ZNF207: variants seen among roughly 807,000 people sequenced by gnomAD.
ZNF207 encodes BUB3-interacting and GLEBS motif-containing protein ZNF207.
A neutral mutation model predicts 60.2 loss-of-function variants in ZNF207; 24 were observed. That is an observed-to-expected ratio of 0.40 (90% CI 0.29 to 0.56). The LOEUF is 0.56. ZNF207 is among the 20% of genes least tolerant of loss of function. ZNF207 has a pLI of 0.49. For missense variants in ZNF207, 452 were observed against 636.6 expected (o/e 0.71, Z 3.12); for synonymous variants, 236 against 194.7 (o/e 1.21, Z -1.77).
chr17:32,367,098 T>G (rs146550116), intron 9 of ZNF207, among the ~76,000 whole-genome samples: 107 of 151,690 alleles, frequency 7.1e-4, no homozygotes, highest in African/African-American at 2.6e-3. Flanking sequence ...GTTCTAAAGT[T>G]GGCCTAGTCT....
intron 7 of ZNF207, among the ~76,000 whole-genome samples, 164 bp from the exon 8 acceptor site, chr17:32,365,166 G>A (rs1340570802): frequency 6.6e-6 from 1 of 152,214 alleles, no homozygotes; most frequent in Non-Finnish European, 1.5e-5. Context: ...ACAAAGGAAG[G>A]GAAAATTTAA....
chr17:32,358,098 T>C (rs1205762106), intron 2 of ZNF207, among the ~76,000 whole-genome samples: 9 of 152,216 alleles, frequency 5.9e-5, no homozygotes, highest in Non-Finnish European at 1.2e-4. Context: ...ATTCTTAATA[T>C]GAGGCTGTTT....
chr17:32,380,939 A>G lies in ZNF207; in HGVS notation c.*11180A>G, dbSNP rs1597807079. On this transcript the variant is annotated 3_prime_UTR_variant, in exon 12 of 12. Transcript: ENST00000394670. ...GCCGTTGCACTCCAGCTTGGGTGACAGAGCGAGACTCCGTCTCAAAAAAAA... is the reference window on the plus strand; with the variant it reads ...GCCGTTGCACTCCAGCTTGGGTGACGGAGCGAGACTCCGTCTCAAAAAAAA... 1 of 152,160 alleles carries G rather than the reference A, an allele frequency of 6.6e-6. No homozygotes were observed. The highest frequency in any genetic ancestry group is 2.4e-5 in the African/African-American group (1 of 41,424). 9.4% of individuals were successfully genotyped at this position (152,160 alleles called of 1,614,324 possible). A position where few individuals can be genotyped will look rare whatever the true frequency, so the allele number is the denominator to read the frequency against.
chr17:32,368,272 A>G, intron 10 of ZNF207: 1 of 476,888 alleles, frequency 2.1e-6, no homozygotes, highest in Non-Finnish European at 3.7e-6. Context: ...TCAGGTTCTT[A>G]ACTCTCTTAA....
chr17:32,351,080 A>C (rs1468772344), intron 1 of ZNF207: 1 of 154,404 alleles, frequency 6.5e-6, no homozygotes, highest in Non-Finnish European at 1.4e-5. Context: ...TTGTACGTAA[A>C]GGCGGCTTGT....
chr17:32,375,672 A>C lies in ZNF207; in HGVS notation c.*5913A>C, dbSNP rs562620340. 15 of 152,272 alleles carry C rather than the reference A, an allele frequency of 9.9e-5. No homozygotes were observed. The highest frequency in any genetic ancestry group is 3.4e-4 in the African/African-American group (14 of 41,586). 9.4% of individuals were successfully genotyped at this position (152,272 alleles called of 1,614,324 possible). ...ATTTTGTTTGAATAAGCTGATGAAA[A>C]TAGACATGTACCCTAGAAGTAGATA... On this transcript the variant is annotated 3_prime_UTR_variant, in exon 12 of 12. Coordinates refer to ENST00000394670, the MANE Select transcript of ZNF207 (RefSeq NM_001098507.2).
intron 7 of ZNF207, 82 bp from the exon 8 acceptor site, chr17:32,365,248 A>T: frequency 2.8e-6 from 4 of 1,432,412 alleles, no homozygotes; most frequent in Non-Finnish European, 3.8e-6. Flanking sequence ...GTTAATTGTT[A>T]ATAACTTTGT....
chr17:32,367,267 ATATATATATATATAT>A lies in ZNF207; in HGVS notation c.922-504_922-490del, dbSNP rs1567824968. Among the ~76,000 whole-genome samples the A allele has an allele frequency of 8.8e-3, 1,031 of 117,816 alleles. 51 individuals are homozygous for A. The highest frequency in any genetic ancestry group is 0.033 in the African/African-American group (974 of 29,356). The allele number at this position is 117,816 out of a possible 152,430, so 77.3% of individuals were successfully genotyped here. ...TATATATATATATATATATATATATATATATATATATATATATAAAGAATACTACTAAAGGATGTA... is the reference window on the plus strand; with the variant it reads ...TATATATATATATATATATATATATAATAAAGAATACTACTAAAGGATGTA... On this transcript the variant is annotated intron_variant, in intron 9 of 11. Coordinates refer to ENST00000394670, the MANE Select transcript of ZNF207 (RefSeq NM_001098507.2).
intron 10 of ZNF207, 55 bp downstream of exon 10, chr17:32,368,069 G>A (rs1905283886): frequency 1.3e-6 from 2 of 1,598,696 alleles, no homozygotes; most frequent in Non-Finnish European, 1.7e-6. Flanking sequence ...CATTATAGCA[G>A]TTCGTCCCTT....
Position 32,373,098 on chromosome 17 carries a change from G to T in ZNF207, c.*3339G>T. 4.0e-6 allele frequency: 1 copy of T among 252,594 alleles called. No individual in the cohort carries two copies. Among genetic ancestry groups the T allele is most frequent in the East Asian group, 7.2e-5 (1 of 13,940 alleles). The allele number at this position is 252,594 out of a possible 1,614,324, so 15.6% of individuals were successfully genotyped here. A position where few individuals can be genotyped will look rare whatever the true frequency, so the allele number is the denominator to read the frequency against. On this transcript the variant is annotated 3_prime_UTR_variant, in exon 12 of 12. Coordinates refer to ENST00000394670, the MANE Select transcript of ZNF207 (RefSeq NM_001098507.2). ...CTTGATTTGAATACTTAGTATTTTA[G>T]TAGTGTCTCACACATTTGCCATTAG...
At chr17:32,363,616 C>G (rs915811403) in intron 7 of ZNF207, among the ~76,000 whole-genome samples, 2 of 139,124 alleles carry the variant, frequency 1.4e-5, no homozygotes, top group African/African-American at 5.3e-5. Flanking sequence ...ACTGCAACCT[C>G]TGCTTCCGGG....
chr17:32,362,699 T>TA, intron 6 of ZNF207: 1 of 418,310 alleles, frequency 2.4e-6, no homozygotes, highest in Non-Finnish European at 4.2e-6. Context: ...ATTTTTTTTT[T>TA]ATTGGTAAAC....
At position 32,373,159 on chromosome 17, in the gene ZNF207, A is replaced by T; in HGVS notation, c.*3400A>T. On this transcript the variant is annotated 3_prime_UTR_variant, in exon 12 of 12. Coordinates refer to ENST00000394670, the MANE Select transcript of ZNF207 (RefSeq NM_001098507.2). ...AATATTCCTACTGTACTCCTATTCCACTAAGTTACATTTTGAACTTAGACT... is the reference window on the plus strand; with the variant it reads ...AATATTCCTACTGTACTCCTATTCCTCTAAGTTACATTTTGAACTTAGACT... 5.0e-6 allele frequency: 2 copies of T among 399,284 alleles called. No individual in the cohort carries two copies. The highest frequency in any genetic ancestry group is 7.0e-5 in the South Asian group (1 of 14,216). 24.7% of individuals were successfully genotyped at this position (399,284 alleles called of 1,614,324 possible). A position where few individuals can be genotyped will look rare whatever the true frequency, so the allele number is the denominator to read the frequency against.
rs1167500517 is a variant in ZNF207, at chr17:32,371,382, T to A, written c.*1623T>A. The A allele has an allele frequency of 6.6e-6, 1 of 152,138 alleles. No individual in the cohort carries two copies. 9.4% of individuals were successfully genotyped at this position (152,138 alleles called of 1,614,324 possible). ...AGTGATTTAGCCATCACAAAAGAGT[T>A]CGTATTTATGTGACAGATGAAAGTC... is the stretch of plus-strand genomic sequence containing the variant. On this transcript the variant is annotated 3_prime_UTR_variant, in exon 12 of 12. Transcript: ENST00000394670.
At chr17:32,361,412 C>A in intron 5 of ZNF207, 56 bp from the exon 6 acceptor site, 6 of 1,475,600 alleles carry the variant, frequency 4.1e-6, no homozygotes, top group Non-Finnish European at 5.6e-6. Flanking sequence ...AATACACTTT[C>A]CCACTGTATT....
In ZNF207 at chr17:32,370,095, A is replaced by G. The variant is rs1905397860; in HGVS notation, c.*336A>G. 2 of 179,798 alleles carry G rather than the reference A, an allele frequency of 1.1e-5. No individual in the cohort carries two copies. Among genetic ancestry groups the G allele is most frequent in the East Asian group, 2.9e-4 (2 of 6,980 alleles). The allele number at this position is 179,798 out of a possible 1,614,324, so 11.1% of individuals were successfully genotyped here. On this transcript the variant is annotated 3_prime_UTR_variant, in exon 12 of 12. Coordinates refer to ENST00000394670, the MANE Select transcript of ZNF207 (RefSeq NM_001098507.2). The stretch of plus-strand genomic sequence containing the variant: ...CACCCTAGTAAAGGCAAGTTCTGTA[A>G]GCTTACATTGCTATTTGTAAAGTTT...
chr17:32,367,493 A>G (rs1905257399), intron 9 of ZNF207, among the ~76,000 whole-genome samples: 1 of 151,680 alleles, frequency 6.6e-6, no homozygotes, highest in African/African-American at 2.4e-5. Flanking sequence ...AAGCATTGTA[A>G]ATTTAATTTT....
chr17:32,350,339 G>C lies in ZNF207; in HGVS notation c.41+13G>C. 8 of 1,614,066 alleles carry C rather than the reference G, an allele frequency of 5.0e-6. No homozygotes were observed. Among genetic ancestry groups the C allele is most frequent in the Non-Finnish European group, 6.8e-6 (8 of 1,180,014 alleles). On this transcript the variant is annotated intron_variant, in intron 1 of 11. Coordinates refer to ENST00000394670, the MANE Select transcript of ZNF207 (RefSeq NM_001098507.2). Reference sequence around the variant, plus strand: ...AGCCGTGGTGCTGGTATCCTTTGTCGGTTTGAAGTCGAGGTCGCGTTGGGG... The same window carrying C: ...AGCCGTGGTGCTGGTATCCTTTGTCCGTTTGAAGTCGAGGTCGCGTTGGGG...
rs549685777 is a variant in ZNF207, at chr17:32,369,993, C to G, written c.*234C>G. The G allele has an allele frequency of 2.6e-6, 1 of 391,340 alleles. No individual in the cohort carries two copies. The highest frequency in any genetic ancestry group is 4.7e-5 in the Admixed American group (1 of 21,352). 24.2% of individuals were successfully genotyped at this position (391,340 alleles called of 1,614,324 possible). On this transcript the variant is annotated 3_prime_UTR_variant, in exon 12 of 12. Coordinates refer to ENST00000394670, the MANE Select transcript of ZNF207 (RefSeq NM_001098507.2). ...ACTGTATGGCTTCTTTTTCATGTTT[C>G]ATCTAGGTTTTTAGAAGTGAAGTAT...
Sources: allele counts gnomAD v4.1 joint callset (sites outside exome capture counted in the v4.1 genomes callset), GRCh38; gene constraint gnomAD v4.1.1; transcripts MANE v1.5; gene names NCBI Gene and HGNC (gene_info 2026-07-23, HGNC 2026-07-21).